The following FSTL4 variants were observed in gnomAD, a reference collection of about 807,000 sequenced individuals.
FSTL4 encodes the protein follistatin-related protein 4.
FSTL4 carries 28 observed loss-of-function variants against 78.2 expected under a neutral mutation model. That is an observed-to-expected ratio of 0.36 (90% CI 0.27 to 0.49). FSTL4 has a LOEUF of 0.49. FSTL4 is among the 20% of genes least tolerant of loss of function. The pLI, the probability that FSTL4 is intolerant of heterozygous loss-of-function variation, is 0.98. For missense variants in FSTL4, 922 were observed against 1,084.9 expected, an observed-to-expected ratio of 0.85 and a Z score of 2.11; for synonymous variants, 422 against 440.5, an observed-to-expected ratio of 0.96 and a Z score of 0.53.
intron 4 of FSTL4, among the ~76,000 whole-genome samples, chr5:133,365,927 G>A (rs1467360285): frequency 6.6e-6 from 1 of 152,172 alleles, no homozygotes; most frequent in East Asian, 1.9e-4. Flanking sequence ...GGTGGTACCC[G>A]ACAAAGGGAT....
At chr5:133,813,463 C>A in the FSTL4 span, among the ~76,000 whole-genome samples, 2 of 152,214 alleles carry the variant, frequency 1.3e-5, no homozygotes, top group African/African-American at 4.8e-5. Context: ...TCAGTAGTTA[C>A]ATGCGGCTAA....
At chr5:133,455,478 C>CAT (rs5871488) in intron 3 of FSTL4, among the ~76,000 whole-genome samples, 57 of 150,800 alleles carry the variant, frequency 3.8e-4, no homozygotes, top group South Asian at 1.5e-3. Flanking sequence ...GTTTTTTAAG[C>CAT]ATATATATAT....
intron 3 of FSTL4, among the ~76,000 whole-genome samples, chr5:133,449,584 C>T (rs879133711): frequency 1.3e-5 from 2 of 152,186 alleles, no homozygotes; most frequent in Admixed American, 1.3e-4. Context: ...GGAAAACAGA[C>T]AGTGACTGAA....
chr5:133,626,115 C>CATATATATATATATTCCAT, the FSTL4 span, among the ~76,000 whole-genome samples: 6 of 8,440 alleles, frequency 7.1e-4, 3 homozygotes, highest in Non-Finnish European at 9.9e-4. Context: ...ATATATATTC[C>CATATATATATATATTCCAT]ATATATATAT....
At chr5:133,584,890 G>C (rs1760499602) in intron 2 of FSTL4, among the ~76,000 whole-genome samples, 1 of 47,738 alleles carries the variant, frequency 2.1e-5, no homozygotes, top group East Asian at 8.5e-4. Flanking sequence ...AGAAAGGTCG[G>C]GTTACCCTCA....
chr5:133,282,159 G>C, intron 6 of FSTL4, among the ~76,000 whole-genome samples: 1 of 152,116 alleles, frequency 6.6e-6, no homozygotes, highest in East Asian at 1.9e-4. Flanking sequence ...TCTGAGCAGG[G>C]GACACTTGAA....
chr5:133,772,495 G>A, the FSTL4 span, among the ~76,000 whole-genome samples: 4 of 152,140 alleles, frequency 2.6e-5, no homozygotes, highest in Non-Finnish European at 4.4e-5. Context: ...TCCAGTTTGT[G>A]CTGCTATAAT....
the FSTL4 span, among the ~76,000 whole-genome samples, chr5:133,621,646 G>A: frequency 6.6e-6 from 1 of 152,036 alleles, no homozygotes; most frequent in Non-Finnish European, 1.5e-5. Flanking sequence ...CAAATATGGT[G>A]CAATGTATAC....
chr5:133,448,408 G>A lies in FSTL4; in HGVS notation c.161-47422C>T, dbSNP rs369927304. Among the ~76,000 whole-genome samples the A allele has an allele frequency of 5.9e-5, 9 of 152,208 alleles. No homozygotes were observed. The East Asian group carries it at 1.7e-3, about 29-fold the overall frequency. On this transcript the variant is annotated intron_variant, in intron 3 of 15. Transcript: ENST00000265342. ...GCCAGTGGCACAGCCCAGAGTGCAG[G>A]TGTGTGGACGGCTCTTTGTAACCCA...
At chr5:133,467,270 G>GTA (rs1757735703) in intron 3 of FSTL4, among the ~76,000 whole-genome samples, 1 of 151,722 alleles carries the variant, frequency 6.6e-6, no homozygotes, top group African/African-American at 2.4e-5. Flanking sequence ...GTGTGTGTGT[G>GTA]TGTGTGTGTG....
At chr5:133,510,304 T>C (rs940490449) in intron 3 of FSTL4, among the ~76,000 whole-genome samples, 12 of 152,192 alleles carry the variant, frequency 7.9e-5, no homozygotes, top group Admixed American at 3.3e-4. Context: ...AAACACCTTG[T>C]TGGCATCATA....
the FSTL4 span, among the ~76,000 whole-genome samples, chr5:133,839,631 C>T: frequency 9.2e-5 from 14 of 152,338 alleles, no homozygotes; most frequent in South Asian, 2.3e-3. Flanking sequence ...CTTCTGATCC[C>T]ACCATTGCTC....
intron 4 of FSTL4, among the ~76,000 whole-genome samples, chr5:133,392,895 A>T (rs1755885368): frequency 6.6e-6 from 1 of 152,200 alleles, no homozygotes; most frequent in Non-Finnish European, 1.5e-5. Flanking sequence ...GCAATTTTTA[A>T]TTACTGGAAT....
At chr5:133,388,526 C>T (rs1470379995) in intron 4 of FSTL4, 1 of 152,084 alleles carries the variant, frequency 6.6e-6, no homozygotes, top group East Asian at 1.9e-4. Context: ...GAGAAGCTGC[C>T]CCTGGGCAAG....
chr5:133,370,666 G>A (rs943221915), intron 4 of FSTL4, among the ~76,000 whole-genome samples: 4 of 151,992 alleles, frequency 2.6e-5, no homozygotes, highest in African/African-American at 4.8e-5. Context: ...CTCCTGTCCC[G>A]CCAGCTGGAG....
chr5:133,745,586 T>A, the FSTL4 span, among the ~76,000 whole-genome samples: 6 of 152,210 alleles, frequency 3.9e-5, no homozygotes, highest in Non-Finnish European at 8.8e-5. Flanking sequence ...ATGAACTAGA[T>A]CCTTGGCAGA....
chr5:133,479,969 C>T (rs1472112582), intron 3 of FSTL4, among the ~76,000 whole-genome samples: 5 of 152,048 alleles, frequency 3.3e-5, no homozygotes, highest in Admixed American at 6.6e-5. Context: ...TCTGCTTAAA[C>T]AAAATAAATT....
At chr5:133,687,023 A>G in the FSTL4 span, among the ~76,000 whole-genome samples, 18 of 152,354 alleles carry the variant, frequency 1.2e-4, no homozygotes, top group African/African-American at 4.8e-5. Flanking sequence ...AAGTGTGCAC[A>G]CAACAAAACA....
At chr5:133,252,772 G>A (rs1752291323) in intron 6 of FSTL4, among the ~76,000 whole-genome samples, 1 of 152,116 alleles carries the variant, frequency 6.6e-6, no homozygotes, top group Admixed American at 6.5e-5. Context: ...CGGCTCTAGA[G>A]AAAGGTCTGC....
Sources: allele counts gnomAD v4.1 joint callset (sites outside exome capture counted in the v4.1 genomes callset), GRCh38; gene constraint gnomAD v4.1.1; transcripts MANE v1.5; gene names NCBI Gene and HGNC (gene_info 2026-07-23, HGNC 2026-07-21).